The following ANKH variants were observed in gnomAD, a reference collection of about 807,000 sequenced individuals.
ANKH encodes mineralization regulator ANKH.
A neutral mutation model predicts 49.0 loss-of-function variants in ANKH; 15 were observed. The observed-to-expected ratio is 0.31, with a 90% CI of 0.20 to 0.47. The LOEUF is 0.47. Among genes scored for constraint, ANKH ranks in the 20% least tolerant of loss-of-function variants. ANKH has a pLI of 1.00. For missense variants in ANKH, 429 were observed against 652.0 expected, an observed-to-expected ratio of 0.66 and a Z score of 3.72; for synonymous variants, 273 against 260.0, an observed-to-expected ratio of 1.05 and a Z score of -0.48.
intron 1 of ANKH, among the ~76,000 whole-genome samples, chr5:14,779,316 C>T (rs1442562953): frequency 6.6e-6 from 1 of 152,184 alleles, no homozygotes; most frequent in African/African-American, 2.4e-5. Context: ...AATGTTTACA[C>T]AGGCAAAAGT....
chr5:14,819,724 G>C (rs941143379), intron 1 of ANKH, among the ~76,000 whole-genome samples: 7 of 152,100 alleles, frequency 4.6e-5, no homozygotes, highest in African/African-American at 1.7e-4. Context: ...AAATTAGCCA[G>C]GCATGGTAGT....
chr5:14,798,571 G>A (rs1230822260), intron 1 of ANKH, among the ~76,000 whole-genome samples: 2 of 151,924 alleles, frequency 1.3e-5, no homozygotes, highest in African/African-American at 2.4e-5. Context: ...TTTTCCAAAA[G>A]CACATGCTCA....
intron 1 of ANKH, among the ~76,000 whole-genome samples, chr5:14,849,779 G>C (rs536531464): frequency 1.2e-4 from 18 of 152,310 alleles, no homozygotes; most frequent in Admixed American, 5.2e-4. Context: ...ATACACACTT[G>C]TTAAGTCACA....
chr5:14,746,003 A>C (rs763781256), intron 6 of ANKH, 41 bp from the exon 7 acceptor site: 1 of 1,554,786 alleles, frequency 6.4e-7, no homozygotes, highest in Non-Finnish European at 8.9e-7. Flanking sequence ...GGGTACCAGC[A>C]GGAAGTCCTC....
intron 9 of ANKH, 125 bp downstream of exon 9, chr5:14,716,581 A>T: frequency 7.5e-7 from 1 of 1,324,952 alleles, no homozygotes. Flanking sequence ...ATGTTTTTGC[A>T]TCTTTCTAAG....
chr5:14,765,293 T>A (rs1739223655), intron 2 of ANKH, among the ~76,000 whole-genome samples: 1 of 152,340 alleles, frequency 6.6e-6, no homozygotes, highest in South Asian at 2.1e-4. Flanking sequence ...AATTTGGGTA[T>A]CTAGAGCCAG....
Position 14,745,700 on chromosome 5 carries a change from C to T in ANKH, c.915+170G>A, listed in dbSNP as rs1738511571. 6.6e-6 allele frequency among the ~76,000 whole-genome samples: 1 copy of T among 152,178 alleles called. No individual in the cohort carries two copies. The highest frequency in any genetic ancestry group is 6.6e-5 in the Admixed American group (1 of 15,262). On this transcript the variant is annotated intron_variant, in intron 7 of 11. Coordinates refer to ENST00000284268, the MANE Select transcript of ANKH (RefSeq NM_054027.6). The surrounding 1 kb of genome is among the most constrained non-coding windows in gnomAD (Gnocchi z 4.7). ...AGCGTCAAAGGTAAGCTTCAACTTGCCCCTGTTATTTTCTGAGGAAAATAT... is the reference window on the plus strand; with the variant it reads ...AGCGTCAAAGGTAAGCTTCAACTTGTCCCTGTTATTTTCTGAGGAAAATAT...
chr5:14,759,142 T>C (rs1176016153), intron 2 of ANKH, among the ~76,000 whole-genome samples: 1 of 152,242 alleles, frequency 6.6e-6, no homozygotes, highest in Non-Finnish European at 1.5e-5. Flanking sequence ...GCTAGCTTTT[T>C]CACACTTGCC....
rs185542724 is a variant in ANKH at position 14,715,706 on chromosome 5, G to A, written c.1141+1000C>T. Reference sequence around the variant, plus strand: ...CAAGCAGTTAGCACATCCATATGACGATACAGACATACACGTGCTACATAT... The same window carrying A: ...CAAGCAGTTAGCACATCCATATGACAATACAGACATACACGTGCTACATAT... On this transcript the variant is annotated intron_variant, in intron 9 of 11. Transcript: ENST00000284268. 1.8e-3 allele frequency among the ~76,000 whole-genome samples: 281 copies of A among 152,270 alleles called. 1 individual carries two copies. The highest frequency in any genetic ancestry group is 3.2e-3 in the Non-Finnish European group (220 of 68,028).
chr5:14,793,068 T>TATATATATA (rs199717342), intron 1 of ANKH, among the ~76,000 whole-genome samples: 1 of 91,870 alleles, frequency 1.1e-5, no homozygotes, highest in East Asian at 3.0e-4. Context: ...AAAATATATA[T>TATATATATA]AAATATATAA....
chr5:14,759,947 CCTA>C (rs1403643196), intron 2 of ANKH, among the ~76,000 whole-genome samples: 1 of 152,006 alleles, frequency 6.6e-6, no homozygotes, highest in East Asian at 1.9e-4. Flanking sequence ...AGTAGGTGTG[CCTA>C]CTATTTTCAT....
intron 1 of ANKH, among the ~76,000 whole-genome samples, chr5:14,838,647 T>G (rs1306696099): frequency 2.0e-5 from 3 of 152,182 alleles, no homozygotes; most frequent in Admixed American, 1.3e-4. Context: ...GGACAAGCTG[T>G]AACACAAATA....
intron 2 of ANKH, among the ~76,000 whole-genome samples, chr5:14,766,002 T>C (rs1007471316): frequency 1.3e-5 from 2 of 152,124 alleles, no homozygotes; most frequent in Admixed American, 6.5e-5. Context: ...GAACATCACG[T>C]TGGGATGATT....
chr5:14,750,928 T>C (rs1738693314), intron 5 of ANKH, 141 bp downstream of exon 5: 13 of 960,244 alleles, frequency 1.4e-5, no homozygotes, highest in Non-Finnish European at 2.1e-5. Context: ...CCTGCAGACA[T>C]CTAGCACTTG....
chr5:14,746,307 TTC>T (rs1738540817), intron 6 of ANKH, among the ~76,000 whole-genome samples: 1 of 148,306 alleles, frequency 6.7e-6, no homozygotes, highest in African/African-American at 2.5e-5. Flanking sequence ...TTTTTTTTCC[TTC>T]TCTCTTTCTT....
chr5:14,825,803 G>A (rs893745171), intron 1 of ANKH: 1 of 152,094 alleles, frequency 6.6e-6, no homozygotes, highest in Non-Finnish European at 1.5e-5. Flanking sequence ...CCGTGTACAG[G>A]GGCTCACAGA....
rs115304967 is a variant in ANKH, at chr5:14,864,403, T to C, written c.96+6949A>G. ...AACAAACCAACCTCAGGATTATACC[T>C]CTGTGGCTCTAGAAACAACCCGCTT... On this transcript the variant is annotated intron_variant, in intron 1 of 11. Transcript: ENST00000284268. Among the ~76,000 whole-genome samples, 165 of 152,266 alleles carry C rather than the reference T, an allele frequency of 1.1e-3. 1 individual carries two copies. The highest frequency in any genetic ancestry group is 3.9e-3 in the African/African-American group (164 of 41,550).
chr5:14,778,635 T>C (rs1739708522), intron 1 of ANKH, among the ~76,000 whole-genome samples: 1 of 152,214 alleles, frequency 6.6e-6, no homozygotes, highest in African/African-American at 2.4e-5. Context: ...ATTAAGCTTG[T>C]CACTCTCTCG....
intron 1 of ANKH, among the ~76,000 whole-genome samples, chr5:14,830,660 C>T (rs561914539): frequency 5.9e-5 from 9 of 152,276 alleles, no homozygotes; most frequent in East Asian, 3.9e-4. Flanking sequence ...TAAGATAGCA[C>T]GGAGCTGCTT....
Sources: gnomAD v4.1 joint callset for allele counts (sites outside exome capture counted in the v4.1 genomes callset) on GRCh38, gnomAD v4.1.1 for gene constraint, Gnocchi (gnomAD v3.1) non-coding constraint, MANE v1.5 for transcripts, NCBI Gene and HGNC (gene_info 2026-07-23, HGNC 2026-07-21) for gene names.